The following GPR143 variants were observed in gnomAD, a reference collection of about 807,000 sequenced individuals.
GPR143 encodes the protein G-protein coupled receptor 143.
Under a neutral mutation model 27.6 loss-of-function variants are expected in GPR143, and 8 were observed. That is an observed-to-expected ratio of 0.29 (90% confidence interval 0.17 to 0.52). The LOEUF is 0.52. GPR143 is among the 20% of genes least tolerant of loss of function. The pLI is 0.96. For synonymous variants in GPR143, 156 were observed against 153.2 expected (o/e 1.02, Z -0.13); for missense variants, 303 against 343.1 (o/e 0.88, Z 0.92).
Position 9,741,324 on chromosome X carries a change from A to G in GPR143, c.885+14T>C, listed in dbSNP as rs756810182. The stretch of plus-strand genomic sequence containing the variant: ...AATAATTAACTAATTAAAATAAAAT[A>G]TAGATTGACCTACCATAATAAACCA... On this transcript the variant is annotated intron_variant, in intron 7 of 8. Transcript: ENST00000467482. 2 of 673,917 alleles carry G rather than the reference A, an allele frequency of 3.0e-6. No homozygotes were observed. The highest frequency in any genetic ancestry group is 2.2e-5 in the African/African-American group (1 of 45,835). 55.5% of individuals were successfully genotyped at this position (673,917 alleles called of 1,213,427 possible).
At chrX:9,761,251 G>A (rs1370640260) in intron 1 of GPR143, among the ~76,000 whole-genome samples, 7 of 110,806 alleles carry the variant, frequency 6.3e-5, no homozygotes, top group East Asian at 2.8e-4. Context: ...CCACAACCAC[G>A]CCCAGCTAAT....
chrX:9,741,052 G>A (rs756204978), intron 7 of GPR143: 15 of 287,518 alleles, frequency 5.2e-5, no homozygotes, highest in Non-Finnish European at 9.0e-5. Context: ...TTGTACTTCT[G>A]ACTGCTTCTT....
intron 8 of GPR143, among the ~76,000 whole-genome samples, chrX:9,735,156 C>G (rs941104080): frequency 8.9e-6 from 1 of 112,456 alleles, no homozygotes; most frequent in African/African-American, 3.2e-5. Flanking sequence ...AATCACAAAA[C>G]GCGATGCATT....
upstream of GPR143, among the ~76,000 whole-genome samples, chrX:9,768,329 C>T (rs1470908218): frequency 1.8e-5 from 2 of 111,514 alleles, no homozygotes; most frequent in Non-Finnish European, 3.8e-5. Context: ...GAGTTTGAGA[C>T]CATCCTGGGC....
chrX:9,770,358 G>GAGAGAGAGAGAGA (rs1569127514), upstream of GPR143, among the ~76,000 whole-genome samples: 46 of 76,587 alleles, frequency 6.0e-4, no homozygotes, highest in African/African-American at 2.3e-3. Context: ...AGAGAGAGAG[G>GAGAGAGAGAGAGA]AAGACCAGCC....
chrX:9,749,152 G>A (rs769575715), intron 3 of GPR143, among the ~76,000 whole-genome samples: 4 of 111,476 alleles, frequency 3.6e-5, no homozygotes, highest in East Asian at 2.8e-4. Context: ...TCATGGGGGC[G>A]GTTTCCCCCA....
chrX:9,762,256 G>A (rs1472516825), intron 1 of GPR143, among the ~76,000 whole-genome samples: 2 of 110,022 alleles, frequency 1.8e-5, no homozygotes, highest in Non-Finnish European at 3.8e-5. Context: ...CAGGCACGGT[G>A]GTGGGCACCT....
At chrX:9,771,354 C>T (rs2083553986) in intron 1 of GPR143, among the ~76,000 whole-genome samples, 1 of 111,724 alleles carries the variant, frequency 9.0e-6, no homozygotes, top group South Asian at 3.7e-4. Flanking sequence ...AGTCACCTCA[C>T]CCAGACCAAA....
At chrX:9,778,089 T>C (rs754765188) in intron 1 of GPR143, among the ~76,000 whole-genome samples, 55 of 109,317 alleles carry the variant, frequency 5.0e-4, no homozygotes, top group African/African-American at 1.5e-3. Flanking sequence ...AGACTCCATC[T>C]CAAAAAAAAA....
rs2083394448 is a variant in GPR143 at position 9,739,727 on chromosome X, G to C, written c.886-8C>G. The stretch of plus-strand genomic sequence containing the variant: ...GGCTGGATTCAGGATTCCCTGGAGA[G>C]AGGACAGAAAGACACATGGCAGTCA... On this transcript the variant is annotated splice_polypyrimidine_tract_variant and splice_region_variant and intron_variant, in intron 7 of 8. Coordinates refer to ENST00000467482, the MANE Select transcript of GPR143 (RefSeq NM_000273.3). The C allele has an allele frequency of 2.7e-6, 3 of 1,093,929 alleles. No individual in the cohort carries two copies. Among genetic ancestry groups the C allele is most frequent in the African/African-American group, 3.6e-5 (2 of 54,879 alleles). The allele number at this position is 1,093,929 out of a possible 1,213,427, so 90.2% of individuals were successfully genotyped here. A position where few individuals can be genotyped will look rare whatever the true frequency, so the allele number is the denominator to read the frequency against.
chrX:9,745,398 G>A (rs1045330989), intron 5 of GPR143, among the ~76,000 whole-genome samples: 13 of 112,304 alleles, frequency 1.2e-4, no homozygotes, highest in African/African-American at 3.9e-4. Flanking sequence ...TCTCAGTTAA[G>A]GCAAATTTCC....
At chrX:9,756,615 A>G (rs1400321816) in intron 3 of GPR143, among the ~76,000 whole-genome samples, 1 of 112,793 alleles carries the variant, frequency 8.9e-6, no homozygotes, top group African/African-American at 3.2e-5. Context: ...AGATATATAC[A>G]TGACCAATCA....
intron 6 of GPR143, 56 bp from the exon 7 acceptor site, chrX:9,741,511 A>C (rs2083404187): frequency 1.7e-6 from 1 of 598,631 alleles, no homozygotes; most frequent in Non-Finnish European, 2.9e-6. Flanking sequence ...ACTCGTTTTT[A>C]AATGCTGGAG....
chrX:9,725,491 T>G lies in GPR143; in HGVS notation c.*255A>C. On this transcript the variant is annotated 3_prime_UTR_variant, in exon 9 of 9. Transcript: ENST00000467482. ...TACTTTACAGCCAGCCTCAGAAAAC[T>G]TCCTAGTGGCAACTAAGGCTAGAGC... is the stretch of plus-strand genomic sequence containing the variant. 3.0e-6 allele frequency: 1 copy of G among 333,459 alleles called. No homozygotes were observed. Among genetic ancestry groups the G allele is most frequent in the Non-Finnish European group, 5.2e-6 (1 of 191,809 alleles). 27.5% of individuals were successfully genotyped at this position (333,459 alleles called of 1,213,427 possible).
chrX:9,771,806 G>A (rs2083555998), intron 1 of GPR143, among the ~76,000 whole-genome samples: 1 of 102,610 alleles, frequency 9.7e-6, no homozygotes. Flanking sequence ...CCGCCTCCCA[G>A]GTTGAAGCGA....
chrX:9,760,297 G>T (rs1332859577), intron 2 of GPR143, among the ~76,000 whole-genome samples: 12 of 111,633 alleles, frequency 1.1e-4, no homozygotes, highest in African/African-American at 3.9e-4. Flanking sequence ...TCACCCTGTT[G>T]ACCAGGGTGG....
upstream of GPR143, among the ~76,000 whole-genome samples, chrX:9,766,766 G>C (rs1400446702): frequency 9.1e-6 from 1 of 109,401 alleles, no homozygotes; most frequent in African/African-American, 3.3e-5. Context: ...ATGTGGTGGG[G>C]CGTGCTTGTA....
chrX:9,728,052 C>A (rs1380152749), intron 8 of GPR143, among the ~76,000 whole-genome samples: 1 of 112,530 alleles, frequency 8.9e-6, no homozygotes, highest in Non-Finnish European at 1.9e-5. Context: ...ATGCTCCTAC[C>A]TCCTCCCTGA....
At chrX:9,727,354 A>G (rs779693857) in intron 8 of GPR143, among the ~76,000 whole-genome samples, 1 of 112,799 alleles carries the variant, frequency 8.9e-6, no homozygotes, top group East Asian at 2.8e-4. Flanking sequence ...TCATCACTCA[A>G]AACTCCCTGC....
Sources: gnomAD v4.1 joint callset for allele counts (sites outside exome capture counted in the v4.1 genomes callset) on GRCh38, gnomAD v4.1.1 for gene constraint, MANE v1.5 for transcripts, NCBI Gene and HGNC (gene_info 2026-07-23, HGNC 2026-07-21) for gene names.